The following PXDN variants were observed in gnomAD, a reference collection of about 807,000 sequenced individuals.
The protein encoded by PXDN is peroxidasin homolog.
PXDN carries 77 observed loss-of-function variants against 140.3 expected under a neutral mutation model. That is an observed-to-expected ratio of 0.55 (90% confidence interval 0.46 to 0.66). The LOEUF (loss-of-function observed/expected upper bound fraction) is 0.66, where lower values mean the gene tolerates loss of function less well. Ranked by LOEUF, PXDN falls within the 30% of genes least tolerant of loss-of-function variation. PXDN has a pLI of 0.00. For missense variants in PXDN, 1,838 were observed against 2,039.5 expected (o/e 0.90, Z 1.90); for synonymous variants, 911 against 857.4 (o/e 1.06, Z -1.09).
intron 6 of PXDN, among the ~76,000 whole-genome samples, chr2:1,680,883 T>G (rs1165283297): frequency 6.6e-6 from 1 of 152,150 alleles, no homozygotes; most frequent in Non-Finnish European, 1.5e-5. Context: ...TGGCTGGGGT[T>G]CACACCTAAG....
chr2:1,730,174 T>C (rs1685281313), intron 1 of PXDN, among the ~76,000 whole-genome samples: 1 of 152,232 alleles, frequency 6.6e-6, no homozygotes, highest in Admixed American at 6.5e-5. Context: ...TTTCACTTTG[T>C]TCCTGTTTAT....
At chr2:1,708,643 G>C (rs1350605135) in intron 1 of PXDN, among the ~76,000 whole-genome samples, 3 of 152,164 alleles carry the variant, frequency 2.0e-5, no homozygotes, top group East Asian at 3.9e-4. Flanking sequence ...CCGCAAGGAA[G>C]AAACAGTGAG....
At chr2:1,684,293 C>G (rs2288184) in intron 4 of PXDN, 142 bp from the exon 5 acceptor site, 1 of 669,566 alleles carries the variant, frequency 1.5e-6, no homozygotes, top group African/African-American at 1.8e-5. Context: ...ATTGTATGAA[C>G]AATACATAAA....
chr2:1,639,850 C>T lies in PXDN; in HGVS notation c.3953-428G>A, dbSNP rs889727885. Among the ~76,000 whole-genome samples, 1 of 152,224 alleles carries T rather than the reference C, an allele frequency of 6.6e-6. No individual in the cohort carries two copies. Among genetic ancestry groups the T allele is most frequent in the Non-Finnish European group, 1.5e-5 (1 of 68,042 alleles). On this transcript the variant is annotated intron_variant, in intron 19 of 22. Coordinates refer to ENST00000252804, the MANE Select transcript of PXDN (RefSeq NM_012293.3). This position sits in a 1 kb window ranked among gnomAD's most constrained non-coding sequence, Gnocchi z 5.0. ...CCTTAAAATTATGCTACACTCCCTA[C>T]GTCACACTGCCAGCCCCAGTGTCAG...
At chr2:1,674,786 T>C (rs1683657552) in intron 8 of PXDN, among the ~76,000 whole-genome samples, 1 of 152,140 alleles carries the variant, frequency 6.6e-6, no homozygotes, top group Non-Finnish European at 1.5e-5. Flanking sequence ...GAACTCCTAC[T>C]TGCAGATCAC....
Position 1,665,945 on chromosome 2 carries a change from G to C in PXDN, c.1291+269C>G, listed in dbSNP as rs190258886. ...CACACACTCTCTCTCTCACTTATCTGATAGACACTCCTGCTGGCCAGGTGC... is the reference window on the plus strand; with the variant it reads ...CACACACTCTCTCTCTCACTTATCTCATAGACACTCCTGCTGGCCAGGTGC... On this transcript the variant is annotated intron_variant, in intron 10 of 22. Transcript: ENST00000252804. Among the ~76,000 whole-genome samples the C allele has an allele frequency of 4.3e-3, 657 of 152,300 alleles. 7 individuals carry two copies. The highest frequency in any genetic ancestry group is 0.015 in the African/African-American group (615 of 41,568).
At chr2:1,683,343 G>A (rs1683960648) in intron 6 of PXDN, among the ~76,000 whole-genome samples, 1 of 152,146 alleles carries the variant, frequency 6.6e-6, no homozygotes, top group Admixed American at 6.5e-5. Context: ...TTGAGCCCGG[G>A]AGGTTGAGGC....
At chr2:1,658,793 C>A (rs1359466918) in intron 14 of PXDN, among the ~76,000 whole-genome samples, 1 of 141,196 alleles carries the variant, frequency 7.1e-6, no homozygotes, top group African/African-American at 2.6e-5. Context: ...CAGGACCCCC[C>A]CACTCTACTC....
intron 16 of PXDN, 54 bp downstream of exon 16, chr2:1,653,574 G>A (rs955289592): frequency 2.0e-5 from 32 of 1,594,714 alleles, no homozygotes; most frequent in Non-Finnish European, 2.5e-5. Context: ...ACTGAGGCGT[G>A]TTCAACCCCG....
chr2:1,680,140 T>G, intron 7 of PXDN, 53 bp downstream of exon 7: 11 of 1,492,436 alleles, frequency 7.4e-6, no homozygotes, highest in Non-Finnish European at 9.0e-6. Flanking sequence ...GTGGATGGTG[T>G]GTGTGTAGAT....
chr2:1,681,208 A>G (rs1019381045), intron 6 of PXDN, among the ~76,000 whole-genome samples: 1 of 151,838 alleles, frequency 6.6e-6, no homozygotes, highest in Non-Finnish European at 1.5e-5. Flanking sequence ...TGCGGCGGGG[A>G]GAAGCCTGGC....
intron 21 of PXDN, chr2:1,636,485 T>C (rs1303558181): frequency 6.6e-6 from 1 of 152,114 alleles, no homozygotes; most frequent in Non-Finnish European, 1.5e-5. Context: ...CACATCATGC[T>C]GAAAAAGGTG....
intron 18 of PXDN, 92 bp from the exon 19 acceptor site, chr2:1,643,668 C>G (rs894830839): frequency 7.5e-7 from 1 of 1,332,504 alleles, no homozygotes; most frequent in African/African-American, 1.4e-5. Context: ...GCTTAGTTCA[C>G]AGCAATACAG....
intron 1 of PXDN, among the ~76,000 whole-genome samples, chr2:1,695,304 C>A (rs951371349): frequency 6.6e-6 from 1 of 152,036 alleles, no homozygotes; most frequent in Admixed American, 6.5e-5. Flanking sequence ...ATCCACAGGC[C>A]CCTGTGCCCT....
intron 16 of PXDN, 151 bp downstream of exon 16, chr2:1,653,477 G>A: frequency 3.4e-6 from 4 of 1,180,402 alleles, no homozygotes; most frequent in African/African-American, 1.5e-5. Flanking sequence ...GGGCTCAAGA[G>A]GAATCACAGT....
At position 1,680,261 on chromosome 2, in the gene PXDN, A is replaced by T; in HGVS notation, c.662T>A (p.Ile221Asn). 6.2e-7 allele frequency: 1 copy of T among 1,613,474 alleles called. No individual in the cohort carries two copies. Residue 221 changes from isoleucine (I) to asparagine (N), a missense_variant, in exon 7 of 23, where the codon ATC becomes AAC. By Grantham distance (149) the Ile-to-Asn change is moderately radical. Coordinates refer to ENST00000252804, the MANE Select transcript of PXDN (RefSeq NM_012293.3). ...AESGNAQAAA[I>N]CEYPRRIQGR... ...CTGGATGCGTCTGGGATATTCACAG[A>T]TGGCCGCTGCCTGCGCGTTCCCCGA... is the stretch of plus-strand genomic sequence containing the variant.
chr2:1,687,450 G>A lies in PXDN; in HGVS notation c.416+182C>T, dbSNP rs1240123853. Among the ~76,000 whole-genome samples the A allele has an allele frequency of 6.6e-6, 1 of 152,166 alleles. No homozygotes were observed. The highest frequency in any genetic ancestry group is 2.4e-5 in the African/African-American group (1 of 41,434). On this transcript the variant is annotated intron_variant, in intron 4 of 22. Transcript: ENST00000252804. The surrounding 1 kb of genome is among the most constrained non-coding windows in gnomAD (Gnocchi z 4.0). ...GGGTGGAGGGCTGGCTGGGTGGAAG[G>A]CGGGGCGGAGGGCAAATGACTCGCC...
chr2:1,644,641 G>C lies in PXDN; in HGVS notation c.3720C>G (p.Phe1240Leu). Residue 1240 changes from phenylalanine to leucine, a missense_variant, in exon 18 of 23, where the codon TTC (phenylalanine) becomes TTG (leucine). Coordinates refer to ENST00000252804, the MANE Select transcript of PXDN (RefSeq NM_012293.3). ...PTLMCLLSTQ[F>L]KRLRDGDRLW... The stretch of plus-strand genomic sequence containing the variant: ...ACCTGTCCCCATCTCGCAGGCGCTT[G>C]AACTGTGTGCTGAGAAGACACATCA... 2 of 1,607,370 alleles carry C rather than the reference G, an allele frequency of 1.2e-6. No homozygotes were observed. The highest frequency in any genetic ancestry group is 2.2e-5 in the East Asian group (1 of 44,644).
At chr2:1,689,746 C>T (rs532283769) in intron 3 of PXDN, among the ~76,000 whole-genome samples, 4 of 150,670 alleles carry the variant, frequency 2.7e-5, no homozygotes, top group South Asian at 4.2e-4. Flanking sequence ...ATCACACCAC[C>T]GCACTCTAGC....
Sources: gnomAD v4.1 joint callset for allele counts (sites outside exome capture counted in the v4.1 genomes callset) on GRCh38, gnomAD v4.1.1 for gene constraint, Gnocchi (gnomAD v3.1) non-coding constraint, MANE v1.5 for transcripts, NCBI Gene and HGNC (gene_info 2026-07-23, HGNC 2026-07-21) for gene names.